LOC102723971: variants seen among roughly 807,000 people sequenced by gnomAD.
chr9:135,617,669 T>G, the LOC102723971 span, among the ~76,000 whole-genome samples: 4 of 152,070 alleles, frequency 2.6e-5, no homozygotes, highest in African/African-American at 4.8e-5. Flanking sequence ...CCTGACTTCC[T>G]CCTTCCAGGG....
At chr9:135,615,509 C>T in the LOC102723971 span, 1 of 398,656 alleles carries the variant, frequency 2.5e-6, no homozygotes, top group African/African-American at 2.1e-5. Flanking sequence ...GTAAGCACGG[C>T]TCCTGCCGCC....
At chr9:135,619,846 GCCTTCTCCCCCTTCTCCC>G in the LOC102723971 span, among the ~76,000 whole-genome samples, 5 of 145,948 alleles carry the variant, frequency 3.4e-5, no homozygotes, top group East Asian at 2.1e-4. Flanking sequence ...CTCCAGTGAG[GCCTTCTCCCCCTTCTCCC>G]CCTTCTCCCC....
At chr9:135,618,358 G>T in the LOC102723971 span, among the ~76,000 whole-genome samples, 150 of 152,264 alleles carry the variant, frequency 9.9e-4, 1 homozygote, top group African/African-American at 3.5e-3. Flanking sequence ...TGCCCAGCCA[G>T]CCTCTCCCCT....
the LOC102723971 span, among the ~76,000 whole-genome samples, chr9:135,616,172 C>T: frequency 2.6e-5 from 4 of 151,954 alleles, no homozygotes; most frequent in East Asian, 5.8e-4. Flanking sequence ...AGCATGGGGG[C>T]GAGGGGCCTC....
the LOC102723971 span, among the ~76,000 whole-genome samples, chr9:135,617,633 G>A: frequency 6.6e-6 from 1 of 152,178 alleles, no homozygotes; most frequent in Admixed American, 6.5e-5. Context: ...GGGACTCTCT[G>A]GGGGTCTCCA....
At chr9:135,614,435 G>A in the LOC102723971 span, 1 of 379,748 alleles carries the variant, frequency 2.6e-6, no homozygotes, top group East Asian at 3.7e-5. Context: ...GGGTGGGGCA[G>A]ACAGGGGGGT....
At chr9:135,619,101 G>C in the LOC102723971 span, 2 of 398,962 alleles carry the variant, frequency 5.0e-6, no homozygotes, top group Non-Finnish European at 8.8e-6. Flanking sequence ...AGGGACTCAA[G>C]GAAGCTCCCC....
At chr9:135,615,712 AC>A in the LOC102723971 span, among the ~76,000 whole-genome samples, 23 of 152,158 alleles carry the variant, frequency 1.5e-4, no homozygotes, top group African/African-American at 5.5e-4. Context: ...CCCAGCAGAC[AC>A]GCCCACTGGG....
At chr9:135,618,177 G>A in the LOC102723971 span, 5 of 395,402 alleles carry the variant, frequency 1.3e-5, no homozygotes, top group African/African-American at 6.2e-5. Flanking sequence ...GGCCTGTGCC[G>A]GCTGCTTCAG....
chr9:135,614,552 A>G, the LOC102723971 span, among the ~76,000 whole-genome samples: 2 of 152,262 alleles, frequency 1.3e-5, no homozygotes, highest in African/African-American at 4.8e-5. Context: ...AGCCAGCACC[A>G]GCGGCCACTG....
At chr9:135,615,253 C>T in the LOC102723971 span, 4 of 394,828 alleles carry the variant, frequency 1.0e-5, no homozygotes, top group South Asian at 1.3e-4. Context: ...GCCACACAGC[C>T]GGGCACTAGC....
chr9:135,615,371 C>T, the LOC102723971 span: 1 of 398,592 alleles, frequency 2.5e-6, no homozygotes, highest in Non-Finnish European at 4.4e-6. Flanking sequence ...GGTGGAGGGG[C>T]GCTGGCTCAC....
chr9:135,615,919 G>A, the LOC102723971 span, among the ~76,000 whole-genome samples: 41 of 152,306 alleles, frequency 2.7e-4, no homozygotes, highest in South Asian at 2.1e-3. Flanking sequence ...AAAGAAAATC[G>A]GCCCTGGGGA....
At chr9:135,619,383 C>A in the LOC102723971 span, among the ~76,000 whole-genome samples, 1 of 152,148 alleles carries the variant, frequency 6.6e-6, no homozygotes, top group Admixed American at 6.5e-5. Context: ...GCACCCCCCT[C>A]CCCAGGGCTG....
the LOC102723971 span, chr9:135,615,525 C>T: frequency 5.0e-6 from 2 of 398,780 alleles, no homozygotes; most frequent in Non-Finnish European, 8.8e-6. Context: ...CCGCCCCTCT[C>T]AGGCGCTCAT....
chr9:135,617,078 C>T, the LOC102723971 span: 4 of 398,242 alleles, frequency 1.0e-5, no homozygotes, highest in Non-Finnish European at 1.3e-5. Context: ...GACATGAGGG[C>T]GGAGCTGCTG....
chr9:135,618,000 T>C, the LOC102723971 span: 1 of 398,688 alleles, frequency 2.5e-6, no homozygotes. Context: ...TTGGAGTACG[T>C]GGAGAAATTC....
the LOC102723971 span, among the ~76,000 whole-genome samples, chr9:135,618,559 C>T: frequency 2.6e-5 from 4 of 151,924 alleles, no homozygotes; most frequent in Admixed American, 2.6e-4. Context: ...GGGGCTAGAG[C>T]AAGGTTTGAG....
the LOC102723971 span, chr9:135,615,413 G>T: frequency 2.5e-6 from 1 of 398,906 alleles, no homozygotes; most frequent in Non-Finnish European, 4.4e-6. Context: ...CGCAGACCTG[G>T]TCTCCCCGGC....
Sources: gnomAD v4.1 joint callset for allele counts (sites outside exome capture counted in the v4.1 genomes callset) on GRCh38, gnomAD v4.1.1 for gene constraint, MANE v1.5 for transcripts.